The following NUP58 variants were observed in gnomAD, a reference collection of about 807,000 sequenced individuals.
The protein encoded by NUP58 is nucleoporin p58/p45.
In NUP58, 17 loss-of-function variants were observed where a neutral mutation model predicts 70.1. The ratio of observed to expected loss-of-function variants is 0.24; its 90% CI spans 0.17 to 0.36. The LOEUF (loss-of-function observed/expected upper bound fraction) is 0.36. Among genes scored for constraint, NUP58 ranks in the 10% least tolerant of loss-of-function variants. The pLI is 1.00. For synonymous variants in NUP58, 275 were observed against 257.6 expected, an observed-to-expected ratio of 1.07 and a Z score of -0.65; for missense variants, 644 against 701.5, an observed-to-expected ratio of 0.92 and a Z score of 0.93.
intron 1 of NUP58, among the ~76,000 whole-genome samples, chr13:25,305,077 A>G (rs1239048864): frequency 6.7e-6 from 1 of 149,076 alleles, no homozygotes; most frequent in Non-Finnish European, 1.5e-5. Context: ...TTGTAGCAAT[A>G]TGTTGTTAAA....
intron 13 of NUP58, chr13:25,332,844 A>T (rs2137818830): frequency 1.0e-6 from 1 of 985,390 alleles, no homozygotes; most frequent in African/African-American, 1.7e-5. Flanking sequence ...GAGGATTGAT[A>T]TTTCTTCTTA....
At chr13:25,307,211 A>ATTTC (rs2030408858) in intron 1 of NUP58, among the ~76,000 whole-genome samples, 1 of 98,606 alleles carries the variant, frequency 1.0e-5, no homozygotes, top group Non-Finnish European at 1.9e-5. Flanking sequence ...CTGGTATTGT[A>ATTTC]TTTTTTTTTT....
At chr13:25,327,370 A>C in intron 11 of NUP58, 60 bp from the exon 12 acceptor site, 2 of 1,131,028 alleles carry the variant, frequency 1.8e-6, no homozygotes, top group Non-Finnish European at 2.5e-6. Flanking sequence ...ATAGAAAAAT[A>C]AAATGGATTG....
intron 1 of NUP58, among the ~76,000 whole-genome samples, chr13:25,303,538 C>G (rs1232137993): frequency 3.3e-5 from 5 of 152,024 alleles, no homozygotes; most frequent in African/African-American, 1.2e-4. Context: ...GCAACATGGC[C>G]TTTTCTCTTT....
intron 1 of NUP58, 71 bp downstream of exon 1, chr13:25,301,951 T>G: frequency 1.0e-6 from 1 of 980,954 alleles, no homozygotes; most frequent in Non-Finnish European, 1.5e-6. Flanking sequence ...TCCCTTGGTG[T>G]CCCCATCCTG....
chr13:25,315,312 G>T, intron 5 of NUP58, 45 bp from the exon 6 acceptor site: 1 of 1,367,990 alleles, frequency 7.3e-7, no homozygotes, highest in African/African-American at 1.4e-5. Flanking sequence ...AGGGGAAATT[G>T]TTGTAGTCTT....
At chr13:25,306,466 G>A (rs563223610) in intron 1 of NUP58, among the ~76,000 whole-genome samples, 1 of 151,854 alleles carries the variant, frequency 6.6e-6, no homozygotes, top group African/African-American at 2.4e-5. Flanking sequence ...GGAAATAGAG[G>A]CTCAGAAAGG....
At chr13:25,318,220 C>T (rs1001817535) in intron 6 of NUP58, among the ~76,000 whole-genome samples, 20 of 151,946 alleles carry the variant, frequency 1.3e-4, no homozygotes, top group East Asian at 7.8e-4. Context: ...CCCAGCTACT[C>T]GGGAAGCTGA....
intron 12 of NUP58, among the ~76,000 whole-genome samples, chr13:25,329,585 A>G (rs544804020): frequency 1.3e-5 from 2 of 152,290 alleles, no homozygotes; most frequent in African/African-American, 4.8e-5. Context: ...CAGATTTGGT[A>G]TGTTGCCATT....
intron 3 of NUP58, among the ~76,000 whole-genome samples, chr13:25,311,565 G>T (rs1374162365): frequency 3.3e-5 from 5 of 151,944 alleles, no homozygotes; most frequent in Non-Finnish European, 7.4e-5. Context: ...AGTAGAAACG[G>T]GGTTTCACCA....
At chr13:25,305,131 T>G (rs868847146) in intron 1 of NUP58, among the ~76,000 whole-genome samples, 22 of 3,892 alleles carry the variant, frequency 5.7e-3, no homozygotes, top group South Asian at 0.028. Context: ...ATCTGTGGGG[T>G]TTTTTTTTTT....
At chr13:25,304,593 T>G (rs2137704966) in intron 1 of NUP58, among the ~76,000 whole-genome samples, 1 of 149,476 alleles carries the variant, frequency 6.7e-6, no homozygotes, top group East Asian at 2.0e-4. Flanking sequence ...CTTGGCTCAT[T>G]GCAACCTCCA....
intron 12 of NUP58, among the ~76,000 whole-genome samples, chr13:25,329,779 T>C (rs1455562490): frequency 6.6e-6 from 1 of 152,162 alleles, no homozygotes; most frequent in Non-Finnish European, 1.5e-5. Flanking sequence ...GCAATTTGTT[T>C]TATAAATCAT....
chr13:25,318,089 G>A (rs1325997893), intron 6 of NUP58, among the ~76,000 whole-genome samples: 1 of 152,016 alleles, frequency 6.6e-6, no homozygotes, highest in Non-Finnish European at 1.5e-5. Context: ...CAGCACTTTG[G>A]GAGGCCGGGG....
At chr13:25,314,381 A>C (rs189300648) in intron 5 of NUP58, among the ~76,000 whole-genome samples, 28 of 152,288 alleles carry the variant, frequency 1.8e-4, no homozygotes, top group Admixed American at 5.2e-4. Flanking sequence ...TTAGCTCAGT[A>C]ATGCATGGTC....
chr13:25,320,445 TTAATACTC>T (rs1471287291), intron 7 of NUP58, 77 bp from the exon 8 acceptor site: 7 of 876,884 alleles, frequency 8.0e-6, no homozygotes, highest in African/African-American at 3.5e-5. Flanking sequence ...TTCTTGTGTC[TTAATACTC>T]TAATACTCTA....
intron 10 of NUP58, among the ~76,000 whole-genome samples, chr13:25,325,741 A>G (rs1410623742): frequency 6.6e-6 from 1 of 152,154 alleles, no homozygotes; most frequent in Non-Finnish European, 1.5e-5. Flanking sequence ...CAATTAATTA[A>G]TTAACTTGTA....
chr13:25,312,912 A>G lies in NUP58; in HGVS notation c.316A>G (p.Thr106Ala), dbSNP rs745863025. 25 of 1,613,442 alleles carry G rather than the reference A, an allele frequency of 1.5e-5. No homozygotes were observed. The highest frequency in any genetic ancestry group is 2.0e-5 in the Non-Finnish European group (24 of 1,179,742). The change falls in exon 4 of 16, where the codon ACA becomes GCA. Residue 106 changes from threonine (T) to alanine (A), a missense_variant. Transcript: ENST00000381736. ...GTPATTSAATTGFSLGFNKPA... is the reference protein window; with the variant it reads ...GTPATTSAATAGFSLGFNKPA... ...GCCAGCCACTACATCTGCAGCTACA[A>G]CAGGCTTCAGTTTAGGATTCAATAA...
chr13:25,315,983 G>A (rs1566061437), intron 6 of NUP58, among the ~76,000 whole-genome samples: 1 of 152,070 alleles, frequency 6.6e-6, no homozygotes, highest in Non-Finnish European at 1.5e-5. Flanking sequence ...ATGGTTTGAG[G>A]GTTACTATTT....
Sources: gnomAD v4.1 joint callset for allele counts (sites outside exome capture counted in the v4.1 genomes callset) on GRCh38, gnomAD v4.1.1 for gene constraint, MANE v1.5 for transcripts, NCBI Gene and HGNC (gene_info 2026-07-23, HGNC 2026-07-21) for gene names.